The following MEIS2 variants were observed in gnomAD, a reference collection of about 807,000 sequenced individuals.
The protein encoded by MEIS2 is Meis homeobox 2, also known as homeobox protein Meis2.
A neutral mutation model predicts 58.6 loss-of-function variants in MEIS2; 9 were observed. That is an observed-to-expected ratio of 0.15 (90% CI 0.09 to 0.27). The LOEUF is 0.27. MEIS2 is among the 10% of genes least tolerant of loss of function. The pLI, the probability that MEIS2 is intolerant of heterozygous loss-of-function variation, is 1.00. For missense variants in MEIS2, 427 were observed against 635.0 expected, an observed-to-expected ratio of 0.67 and a Z score of 3.52; for synonymous variants, 221 against 228.4, an observed-to-expected ratio of 0.97 and a Z score of 0.29.
intron 8 of MEIS2, among the ~76,000 whole-genome samples, chr15:36,998,236 G>GTTTTTTTTTTTTTTTTTTTTTT (rs5811954): frequency 3.0e-5 from 2 of 66,772 alleles, no homozygotes; most frequent in Non-Finnish European, 5.4e-5. Context: ...AAAACACAAA[G>GTTTTTTTTTTTTTTTTTTTTTT]TTTTTTTTTT....
At chr15:37,051,505 G>T (rs546321895) in intron 7 of MEIS2, among the ~76,000 whole-genome samples, 1 of 152,162 alleles carries the variant, frequency 6.6e-6, no homozygotes, top group East Asian at 1.9e-4. Flanking sequence ...AAATTTTGGC[G>T]TAATGATGGA....
intron 7 of MEIS2, among the ~76,000 whole-genome samples, chr15:37,080,715 C>G (rs933624512): frequency 6.6e-6 from 1 of 152,138 alleles, no homozygotes; most frequent in Non-Finnish European, 1.5e-5. Context: ...TTTCTTCCTC[C>G]GTCTAATGTG....
chr15:36,960,729 T>C (rs557629636), intron 8 of MEIS2, among the ~76,000 whole-genome samples: 24 of 152,244 alleles, frequency 1.6e-4, no homozygotes, highest in African/African-American at 5.5e-4. Context: ...ACAGCTGATA[T>C]TTTTTCTGTT....
intron 8 of MEIS2, among the ~76,000 whole-genome samples, chr15:36,980,676 T>C (rs1160452080): frequency 2.0e-5 from 3 of 152,170 alleles, no homozygotes; most frequent in African/African-American, 7.2e-5. Context: ...CCATAACTAA[T>C]ATATTATATC....
At chr15:36,929,598 C>T (rs1210948499) in intron 9 of MEIS2, among the ~76,000 whole-genome samples, 2 of 152,170 alleles carry the variant, frequency 1.3e-5, no homozygotes, top group African/African-American at 2.4e-5. Context: ...GTGTCATTTA[C>T]ATTTGATTCT....
intron 9 of MEIS2, among the ~76,000 whole-genome samples, chr15:36,930,753 C>G (rs2057945373): frequency 6.6e-6 from 1 of 152,162 alleles, no homozygotes; most frequent in Non-Finnish European, 1.5e-5. Context: ...TAAACATATA[C>G]TGTTCATGTA....
Position 37,036,807 on chromosome 15 carries a change from G to A in MEIS2, c.900+7C>T, listed in dbSNP as rs2062175678. The A allele has an allele frequency of 1.9e-6, 3 of 1,605,510 alleles. No individual in the cohort carries two copies. The East Asian group carries it at 6.7e-5, about 36-fold the overall frequency. ...CTATTTTTTTTTTCTCTTTCATCTT[G>A]ACTTACTGTGAGATGCTGGAAGAGC... On this transcript the variant is annotated splice_region_variant and intron_variant, in intron 8 of 11. Transcript: ENST00000561208.
At chr15:37,072,447 G>T (rs1890831727) in intron 7 of MEIS2, among the ~76,000 whole-genome samples, 1 of 152,048 alleles carries the variant, frequency 6.6e-6, no homozygotes, top group South Asian at 2.1e-4. Flanking sequence ...AAGCTTCTTA[G>T]TGTGGTAAAA....
intron 7 of MEIS2, among the ~76,000 whole-genome samples, chr15:37,080,864 C>T (rs1034897959): frequency 6.6e-6 from 1 of 152,042 alleles, no homozygotes; most frequent in African/African-American, 2.4e-5. Context: ...CACATTTTAC[C>T]AAGTTTATTT....
At chr15:36,894,572 G>A in intron 11 of MEIS2, 1 of 589,442 alleles carries the variant, frequency 1.7e-6, no homozygotes, top group Non-Finnish European at 2.9e-6. Context: ...CTTCAGAGAT[G>A]GGTGATATAT....
chr15:36,963,820 T>C (rs961712395), intron 8 of MEIS2, among the ~76,000 whole-genome samples: 2 of 152,226 alleles, frequency 1.3e-5, no homozygotes, highest in Admixed American at 1.3e-4. Flanking sequence ...TGACTGGTTA[T>C]GCTTTCTTTT....
chr15:36,915,200 A>G (rs940539970), intron 9 of MEIS2, among the ~76,000 whole-genome samples: 26 of 9,264 alleles, frequency 2.8e-3, no homozygotes, highest in East Asian at 6.3e-3. Flanking sequence ...ACTTCTGGGA[A>G]AAAAAAAAAA....
At chr15:37,044,114 C>T (rs1420032434) in intron 7 of MEIS2, among the ~76,000 whole-genome samples, 1 of 152,184 alleles carries the variant, frequency 6.6e-6, no homozygotes, top group African/African-American at 2.4e-5. Context: ...CATCTCCATT[C>T]TACAGATAAG....
chr15:37,049,235 C>T (rs780100333), intron 7 of MEIS2, among the ~76,000 whole-genome samples: 6 of 152,030 alleles, frequency 3.9e-5, no homozygotes, highest in African/African-American at 4.8e-5. Context: ...GATCATTCTT[C>T]GTATAGCCTA....
chr15:37,062,505 C>A (rs1889356268), intron 7 of MEIS2, among the ~76,000 whole-genome samples: 3 of 152,206 alleles, frequency 2.0e-5, no homozygotes, highest in Non-Finnish European at 4.4e-5. Context: ...AGATCTTTCA[C>A]AAAGAAGACG....
intron 9 of MEIS2, among the ~76,000 whole-genome samples, chr15:36,906,745 A>G (rs560015763): frequency 2.0e-5 from 3 of 152,216 alleles, no homozygotes; most frequent in South Asian, 4.1e-4. Flanking sequence ...TCCAAGCTAC[A>G]TGAATATTCC....
At chr15:36,938,803 C>CA (rs1368136000) in intron 9 of MEIS2, among the ~76,000 whole-genome samples, 1 of 152,162 alleles carries the variant, frequency 6.6e-6, no homozygotes, top group Non-Finnish European at 1.5e-5. Flanking sequence ...AGGGAATAGA[C>CA]ACTGAGAAAG....
At chr15:36,959,188 A>C (rs2059096750) in intron 8 of MEIS2, among the ~76,000 whole-genome samples, 1 of 152,190 alleles carries the variant, frequency 6.6e-6, no homozygotes, top group African/African-American at 2.4e-5. Context: ...AGTGAAAACA[A>C]ATTTCACACA....
chr15:36,983,385 C>T (rs763060164), intron 8 of MEIS2, among the ~76,000 whole-genome samples: 1 of 151,994 alleles, frequency 6.6e-6, no homozygotes, highest in African/African-American at 2.4e-5. Flanking sequence ...TTTTGCAACA[C>T]CATTTATTGA....
Sources: allele counts gnomAD v4.1 joint callset (sites outside exome capture counted in the v4.1 genomes callset), GRCh38; gene constraint gnomAD v4.1.1; transcripts MANE v1.5; gene names NCBI Gene and HGNC (gene_info 2026-07-23, HGNC 2026-07-21).